The following DSCAM variants were observed in gnomAD, a reference collection of about 807,000 sequenced individuals.
The protein encoded by DSCAM is cell adhesion molecule DSCAM.
In DSCAM, 47 loss-of-function variants were observed where a neutral mutation model predicts 217.7. The observed-to-expected ratio is 0.22, with a 90% CI of 0.17 to 0.28. The LOEUF (loss-of-function observed/expected upper bound fraction) is 0.28. Among genes scored for constraint, DSCAM ranks in the 10% least tolerant of loss-of-function variants. The pLI, the probability that DSCAM is intolerant of heterozygous loss-of-function variation, is 1.00. For missense variants in DSCAM, 2,080 were observed against 2,618.3 expected, an observed-to-expected ratio of 0.79 and a Z score of 4.49; for synonymous variants, 1,056 against 1,015.3, an observed-to-expected ratio of 1.04 and a Z score of -0.76.
chr21:40,349,585 T>C (rs1026604027), intron 5 of DSCAM, among the ~76,000 whole-genome samples: 4 of 152,238 alleles, frequency 2.6e-5, no homozygotes, highest in Non-Finnish European at 4.4e-5. Flanking sequence ...CTATCTTTCA[T>C]ACATCATTTA....
At chr21:40,415,732 G>A (rs2075364733) in intron 3 of DSCAM, among the ~76,000 whole-genome samples, 1 of 152,094 alleles carries the variant, frequency 6.6e-6, no homozygotes, top group Non-Finnish European at 1.5e-5. Flanking sequence ...ATTTGCACAG[G>A]CTCCCCAGGG....
intron 32 of DSCAM, among the ~76,000 whole-genome samples, chr21:40,035,694 C>G (rs2088606962): frequency 6.6e-6 from 1 of 150,886 alleles, no homozygotes; most frequent in Non-Finnish European, 1.5e-5. Flanking sequence ...CTCTCCACCC[C>G]AAATCAACAG....
intron 11 of DSCAM, among the ~76,000 whole-genome samples, chr21:40,234,591 G>C (rs573646467): frequency 5.2e-4 from 79 of 152,260 alleles, no homozygotes; most frequent in African/African-American, 1.9e-3. Context: ...TGTAGCCTCA[G>C]CATTCTGTTT....
intron 3 of DSCAM, among the ~76,000 whole-genome samples, chr21:40,641,327 G>T (rs941415775): frequency 4.6e-5 from 7 of 152,106 alleles, no homozygotes; most frequent in African/African-American, 1.4e-4. Context: ...ACAAGGAAAC[G>T]GGGCGAGAGA....
intron 10 of DSCAM, among the ~76,000 whole-genome samples, chr21:40,284,738 G>A (rs1228456038): frequency 6.6e-6 from 1 of 152,162 alleles, no homozygotes; most frequent in Non-Finnish European, 1.5e-5. Flanking sequence ...GTTTGTCCAC[G>A]CTTCAAAGGA....
At chr21:40,161,811 T>C (rs559498460) in intron 16 of DSCAM, among the ~76,000 whole-genome samples, 1 of 152,284 alleles carries the variant, frequency 6.6e-6, no homozygotes, top group Admixed American at 6.5e-5. Context: ...ATGCAAACTT[T>C]TGTCATTTTT....
At chr21:40,354,872 A>AAAAAT (rs2074674889) in intron 4 of DSCAM, among the ~76,000 whole-genome samples, 1 of 151,260 alleles carries the variant, frequency 6.6e-6, no homozygotes. Context: ...AAAAAAAAAA[A>AAAAAT]AGAGCAACAT....
At chr21:40,759,872 T>C (rs1452516111) in intron 1 of DSCAM, among the ~76,000 whole-genome samples, 3 of 152,140 alleles carry the variant, frequency 2.0e-5, no homozygotes, top group Non-Finnish European at 4.4e-5. Context: ...GCCATCGCCC[T>C]CCACACATCA....
At chr21:40,680,576 T>A (rs1292518995) in intron 3 of DSCAM, among the ~76,000 whole-genome samples, 1 of 152,186 alleles carries the variant, frequency 6.6e-6, no homozygotes, top group Non-Finnish European at 1.5e-5. Context: ...TTACTGTATC[T>A]GTTTATAGCT....
intron 3 of DSCAM, among the ~76,000 whole-genome samples, chr21:40,632,454 T>C (rs150436548): frequency 3.9e-4 from 59 of 152,178 alleles, no homozygotes; most frequent in Non-Finnish European, 6.3e-4. Context: ...TGGGGAGTTG[T>C]TCTGCTCACA....
chr21:40,419,278 G>C (rs552587770), intron 3 of DSCAM, among the ~76,000 whole-genome samples: 1 of 151,994 alleles, frequency 6.6e-6, no homozygotes, highest in South Asian at 2.1e-4. Context: ...ACCACACCCA[G>C]CCCAGAAAAT....
intron 3 of DSCAM, among the ~76,000 whole-genome samples, chr21:40,634,022 T>C (rs2089724660): frequency 6.6e-6 from 1 of 152,046 alleles, no homozygotes; most frequent in Admixed American, 6.6e-5. Context: ...GCCTAACAAA[T>C]AGAAAGAAAG....
chr21:40,583,563 A>G (rs1469745749), intron 3 of DSCAM, among the ~76,000 whole-genome samples: 1 of 152,144 alleles, frequency 6.6e-6, no homozygotes, highest in African/African-American at 2.4e-5. Flanking sequence ...GGGAGTGGGA[A>G]GGAAAAAAGA....
At chr21:40,797,441 T>A (rs2091701594) in intron 1 of DSCAM, among the ~76,000 whole-genome samples, 1 of 152,178 alleles carries the variant, frequency 6.6e-6, no homozygotes, top group East Asian at 1.9e-4. Context: ...ATGATGTAGG[T>A]GGAACAACCA....
chr21:40,372,731 C>G (rs1240897624), intron 3 of DSCAM, among the ~76,000 whole-genome samples: 1 of 152,180 alleles, frequency 6.6e-6, no homozygotes, highest in East Asian at 1.9e-4. Context: ...TGTCAACACA[C>G]AGTGTGATGC....
chr21:40,077,165 T>C (rs1299995100), intron 26 of DSCAM, among the ~76,000 whole-genome samples: 1 of 152,258 alleles, frequency 6.6e-6, no homozygotes, highest in East Asian at 1.9e-4. Context: ...TCTGGGGCCA[T>C]AGGACAGAGC....
intron 3 of DSCAM, among the ~76,000 whole-genome samples, chr21:40,486,708 C>T (rs1012177584): frequency 6.6e-6 from 1 of 152,242 alleles, no homozygotes; most frequent in East Asian, 1.9e-4. Flanking sequence ...TGAATTTTCA[C>T]GGGGTAAACT....
At chr21:40,272,409 C>T (rs1289937991) in intron 11 of DSCAM, among the ~76,000 whole-genome samples, 1 of 152,198 alleles carries the variant, frequency 6.6e-6, no homozygotes, top group African/African-American at 2.4e-5. Flanking sequence ...CTTTCCATGA[C>T]AATTCCATAC....
intron 1 of DSCAM, among the ~76,000 whole-genome samples, chr21:40,786,322 A>C (rs1039962468): frequency 6.6e-6 from 1 of 151,820 alleles, no homozygotes; most frequent in African/African-American, 2.4e-5. Context: ...GGGAGAAAGA[A>C]AGGAAGAAAG....
Sources: allele counts gnomAD v4.1 joint callset (sites outside exome capture counted in the v4.1 genomes callset), GRCh38; gene constraint gnomAD v4.1.1; transcripts MANE v1.5; gene names NCBI Gene and HGNC (gene_info 2026-07-23, HGNC 2026-07-21).